VAMP4: variants seen among roughly 807,000 people sequenced by gnomAD.
VAMP4 encodes vesicle associated membrane protein 4, also known as vesicle-associated membrane protein 4.
Under a neutral mutation model 23.5 loss-of-function variants are expected in VAMP4, and 19 were observed. The ratio of observed to expected loss-of-function variants is 0.81; its 90% CI spans 0.56 to 1.19. The LOEUF is 1.19. Ranked by LOEUF, VAMP4 falls within the 50% of genes most tolerant of loss-of-function variation. The probability of loss-of-function intolerance (pLI) is 0.00; values close to 1 mark genes in which losing one functional copy is unlikely to be tolerated. For synonymous variants in VAMP4, 31 were observed against 51.0 expected (o/e 0.61, Z 1.67); for missense variants, 145 against 168.6 (o/e 0.86, Z 0.78).
chr1:171,713,758 CA>C (rs923096326), intron 4 of VAMP4, among the ~76,000 whole-genome samples: 19 of 152,072 alleles, frequency 1.2e-4, no homozygotes, highest in South Asian at 8.3e-4. Flanking sequence ...TCCTTGAGCC[CA>C]GGAGGTTAAG....
intron 2 of VAMP4, among the ~76,000 whole-genome samples, chr1:171,732,502 A>C (rs1361453034): frequency 1.3e-5 from 2 of 152,152 alleles, no homozygotes; most frequent in East Asian, 3.8e-4. Flanking sequence ...ATGCCACTGC[A>C]CTCCAACCTG....
At chr1:171,739,001 G>A (rs762720493) in intron 1 of VAMP4, among the ~76,000 whole-genome samples, 1 of 152,218 alleles carries the variant, frequency 6.6e-6, no homozygotes, top group Non-Finnish European at 1.5e-5. Flanking sequence ...GTAAGTACTG[G>A]TGTGATATCG....
chr1:171,741,998 T>C lies in VAMP4; in HGVS notation c.-138A>G, dbSNP rs1435508079. ...GGAGTAGGAAGCCGAGGTAAGAAGC[T>C]GGGAGGGGGAGACAGTTGGTGCGGA... On this transcript the variant is annotated 5_prime_UTR_variant, in exon 1 of 8. Transcript: ENST00000236192. 6.6e-6 allele frequency: 1 copy of C among 151,976 alleles called. No individual in the cohort carries two copies. Among genetic ancestry groups the C allele is most frequent in the Non-Finnish European group, 1.5e-5 (1 of 67,956 alleles). 9.4% of individuals were successfully genotyped at this position (151,976 alleles called of 1,614,324 possible).
intron 4 of VAMP4, among the ~76,000 whole-genome samples, chr1:171,714,927 T>C (rs1356004973): frequency 6.6e-6 from 1 of 152,182 alleles, no homozygotes; most frequent in Non-Finnish European, 1.5e-5. Flanking sequence ...ATAGTATCAG[T>C]CATGTAGCCT....
chr1:171,722,866 A>C (rs1655240093), intron 3 of VAMP4, among the ~76,000 whole-genome samples: 1 of 152,138 alleles, frequency 6.6e-6, no homozygotes, highest in Non-Finnish European at 1.5e-5. Flanking sequence ...AGGGATCTAG[A>C]ACTAGAAATA....
rs1330620854 is a variant in VAMP4, at chr1:171,703,425, G to GTGTGTATATATATA, written c.*1080_*1081insTATATATATACACA. The GTGTGTATATATATA allele has an allele frequency of 1.2e-5, 1 of 80,672 alleles. No individual in the cohort carries two copies. 5.0% of individuals were successfully genotyped at this position (80,672 alleles called of 1,614,324 possible). ...TGTGTGTGTGTGTGTGTGTTTGTGT[G>GTGTGTATATATATA]TATATATATATATATATATATATAT... On this transcript the variant is annotated 3_prime_UTR_variant, in exon 8 of 8. Transcript: ENST00000236192.
chr1:171,738,330 C>T lies in VAMP4; in HGVS notation c.66+19G>A. 2 of 1,611,814 alleles carry T rather than the reference C, an allele frequency of 1.2e-6. No homozygotes were observed. Among genetic ancestry groups the T allele is most frequent in the Non-Finnish European group, 1.7e-6 (2 of 1,178,806 alleles). The stretch of plus-strand genomic sequence containing the variant: ...TATTTTGAATCTTTTGTTTTTAAAG[C>T]TTAAGATTCCGAACTTACCCTTTCA... On this transcript the variant is annotated intron_variant, in intron 2 of 7. Coordinates refer to ENST00000236192, the MANE Select transcript of VAMP4 (RefSeq NM_003762.5).
intron 3 of VAMP4, among the ~76,000 whole-genome samples, chr1:171,724,021 C>A (rs1304303535): frequency 6.6e-6 from 1 of 152,154 alleles, no homozygotes; most frequent in African/African-American, 2.4e-5. Context: ...GACACATGCA[C>A]ACATATGTTT....
chr1:171,717,083 T>A (rs747955390), intron 4 of VAMP4, among the ~76,000 whole-genome samples: 5 of 152,162 alleles, frequency 3.3e-5, no homozygotes, highest in African/African-American at 4.8e-5. Context: ...TCTGTACAAC[T>A]GGTGGTGGTT....
chr1:171,728,168 C>T (rs943308439), intron 3 of VAMP4, among the ~76,000 whole-genome samples: 2 of 152,192 alleles, frequency 1.3e-5, no homozygotes, highest in African/African-American at 2.4e-5. Context: ...GATGAAACCT[C>T]ACATTGCCCC....
At chr1:171,723,225 G>A (rs548375982) in intron 3 of VAMP4, among the ~76,000 whole-genome samples, 101 of 152,260 alleles carry the variant, frequency 6.6e-4, no homozygotes, top group African/African-American at 2.2e-3. Flanking sequence ...AAGATCACAC[G>A]ACTGGGGCAA....
intron 4 of VAMP4, among the ~76,000 whole-genome samples, chr1:171,715,440 G>A (rs975007181): frequency 1.3e-5 from 2 of 152,078 alleles, no homozygotes; most frequent in African/African-American, 4.8e-5. Context: ...AGAGCCCCTG[G>A]GTTCTGTATT....
intron 3 of VAMP4, among the ~76,000 whole-genome samples, chr1:171,727,042 G>A (rs1655393110): frequency 6.6e-6 from 1 of 151,474 alleles, no homozygotes; most frequent in African/African-American, 2.4e-5. Context: ...GACCAGCCTG[G>A]GAAACAAAGT....
chr1:171,712,536 A>G (rs951954710), intron 4 of VAMP4, among the ~76,000 whole-genome samples: 2 of 152,158 alleles, frequency 1.3e-5, no homozygotes, highest in Non-Finnish European at 2.9e-5. Flanking sequence ...TTACCCACAC[A>G]TAAACTTCAA....
chr1:171,711,132 C>A (rs1654834418), intron 4 of VAMP4, among the ~76,000 whole-genome samples: 1 of 152,128 alleles, frequency 6.6e-6, no homozygotes, highest in South Asian at 2.1e-4. Flanking sequence ...AACAGCTTCA[C>A]TAAAAATAAT....
At chr1:171,707,495 T>C (rs563834748) in intron 6 of VAMP4, among the ~76,000 whole-genome samples, 1 of 152,280 alleles carries the variant, frequency 6.6e-6, no homozygotes, top group South Asian at 2.1e-4. Context: ...TCTGCCCTTA[T>C]ATCCTTTTTC....
Position 171,704,532 on chromosome 1 carries a change from G to C in VAMP4, c.400C>G (p.Leu134Val), listed in dbSNP as rs768476809. The change falls in exon 8 of 8, where the codon CTT becomes GTT. Residue 134 changes from leucine to valine, a missense_variant and splice_region_variant. Physicochemically the swap from Leu to Val is conservative, Grantham distance 32. Coordinates refer to ENST00000236192, the MANE Select transcript of VAMP4 (RefSeq NM_003762.5). ...AAILLLVIII[L>V]IVMKYRT is the part of the protein sequence containing the mutation. ...CAAGTACGGTATTTCATGACTATAAGAACTGTAAGAGAAAACATGAAAAAA... is the reference window on the plus strand; with the variant it reads ...CAAGTACGGTATTTCATGACTATAACAACTGTAAGAGAAAACATGAAAAAA... The C allele has an allele frequency of 6.3e-7, 1 of 1,579,556 alleles. No individual in the cohort carries two copies. The highest frequency in any genetic ancestry group is 2.3e-5 in the East Asian group (1 of 43,170).
At chr1:171,710,289 A>G (rs976233731) in intron 5 of VAMP4, among the ~76,000 whole-genome samples, 9 of 151,942 alleles carry the variant, frequency 5.9e-5, no homozygotes, top group Non-Finnish European at 1.0e-4. Context: ...AGGTATAGGT[A>G]TAGGTATAGG....
chr1:171,720,997 C>T (rs183451811), intron 3 of VAMP4, among the ~76,000 whole-genome samples: 2 of 152,048 alleles, frequency 1.3e-5, no homozygotes, highest in East Asian at 1.9e-4. Flanking sequence ...ACAAATGCAA[C>T]GACGGTTTAA....
Sources: allele counts gnomAD v4.1 joint callset (sites outside exome capture counted in the v4.1 genomes callset), GRCh38; gene constraint gnomAD v4.1.1; transcripts MANE v1.5; gene names NCBI Gene and HGNC (gene_info 2026-07-23, HGNC 2026-07-21).